Variants in DRC3 observed in about 807,000 individuals in gnomAD.
DRC3 encodes the protein leucine rich repeat containing 48.
DRC3 carries 45 observed loss-of-function variants against 57.6 expected under a neutral mutation model. The ratio of observed to expected loss-of-function variants is 0.78; its 90% CI spans 0.62 to 1.00. The LOEUF (loss-of-function observed/expected upper bound fraction) is 1.00, where lower values mean the gene tolerates loss of function less well. Ranked by LOEUF, DRC3 falls within the 50% of genes least tolerant of loss-of-function variation. DRC3 has a pLI of 0.00. For missense variants in DRC3, 655 were observed against 675.2 expected (o/e 0.97, Z 0.33); for synonymous variants, 257 against 272.3 (o/e 0.94, Z 0.55).
chr17:17,987,151 G>C (rs2042997534), intron 4 of DRC3, among the ~76,000 whole-genome samples: 1 of 134,456 alleles, frequency 7.4e-6, no homozygotes, highest in South Asian at 2.6e-4. Context: ...GGAGGTCAAG[G>C]ATGCAATGAA....
chr17:17,992,925 T>C lies in DRC3; in HGVS notation c.591+14T>C. The C allele has an allele frequency of 6.2e-7, 1 of 1,613,740 alleles. No homozygotes were observed. On this transcript the variant is annotated intron_variant, in intron 6 of 13. Transcript: ENST00000399187. ...GATGACCACACAGCAAGTGTCTCCC[T>C]CTCAGTCTCCCAGCCCTGTGAGACA...
chr17:17,979,941 G>C (rs1049944302), intron 3 of DRC3, among the ~76,000 whole-genome samples: 1 of 151,886 alleles, frequency 6.6e-6, no homozygotes, highest in African/African-American at 2.4e-5. Flanking sequence ...CCGGCTCTAG[G>C]GGAAGGGCAG....
intron 3 of DRC3, among the ~76,000 whole-genome samples, chr17:17,980,158 C>T (rs1174368085): frequency 1.3e-5 from 2 of 152,154 alleles, no homozygotes; most frequent in Non-Finnish European, 2.9e-5. Flanking sequence ...AGGAGGGGTT[C>T]CCCACTTTCC....
chr17:17,977,208 C>T (rs1296764615), intron 2 of DRC3, among the ~76,000 whole-genome samples: 1 of 152,124 alleles, frequency 6.6e-6, no homozygotes, highest in African/African-American at 2.4e-5. Flanking sequence ...GTGGTTGGTA[C>T]CCACAAGCCC....
intron 7 of DRC3, 45 bp downstream of exon 7, chr17:17,994,463 C>T (rs2043371425): frequency 1.9e-6 from 3 of 1,542,840 alleles, no homozygotes; most frequent in Non-Finnish European, 2.6e-6. Context: ...CTCAGATGCC[C>T]ACAAGAGGGC....
chr17:17,984,656 CAGA>C (rs2042876948), intron 4 of DRC3, among the ~76,000 whole-genome samples: 1 of 152,140 alleles, frequency 6.6e-6, no homozygotes, highest in Non-Finnish European at 1.5e-5. Context: ...TCCCAATCTA[CAGA>C]AGAGGAGCTG....
chr17:17,997,478 C>T lies in DRC3; in HGVS notation c.843C>T (p.Val281=). Reference sequence around the variant, plus strand: ...CACTCACCTACAAGGACAAGTTTGTCATCATCTGCGTGAATATTTTTGAGT... The same window carrying T: ...CACTCACCTACAAGGACAAGTTTGTTATCATCTGCGTGAATATTTTTGAGT... ...ELLETYKDKF[V]IICVNIFEYG... Residue 281 remains valine (V), a synonymous_variant, in exon 9 of 14, where the codon GTC becomes GTT. Coordinates refer to ENST00000399187, the MANE Select transcript of DRC3 (RefSeq NM_031294.4). The T allele has an allele frequency of 6.2e-7, 1 of 1,613,280 alleles. No homozygotes were observed. Among genetic ancestry groups the T allele is most frequent in the Non-Finnish European group, 8.5e-7 (1 of 1,179,706 alleles).
intron 4 of DRC3, 22 bp from the exon 5 acceptor site, chr17:17,987,910 C>CA: frequency 6.2e-7 from 1 of 1,611,724 alleles, no homozygotes; most frequent in South Asian, 1.1e-5. Context: ...AGCAGACCCT[C>CA]ACAGCCCTCT....
chr17:17,975,527 A>G (rs1338675502), intron 2 of DRC3, among the ~76,000 whole-genome samples: 1 of 44,906 alleles, frequency 2.2e-5, no homozygotes, highest in Admixed American at 2.6e-4. Flanking sequence ...CCCCCCCCCA[A>G]AAAAAAGGCC....
In DRC3 at chr17:18,008,817, G is replaced by GA. The variant is rs1217797737; in HGVS notation, c.1326+1671dup. Among the ~76,000 whole-genome samples, 1 of 152,210 alleles carries GA rather than the reference G, an allele frequency of 6.6e-6. No individual in the cohort carries two copies. The highest frequency in any genetic ancestry group is 2.4e-5 in the African/African-American group (1 of 41,446). ...GACAGACCATCTTGGGGTGGGTGGA[G>GA]ATCCCTCCCAGCACAGCTCCCATGT... On this transcript the variant is annotated intron_variant, in intron 12 of 13. Coordinates refer to ENST00000399187, the MANE Select transcript of DRC3 (RefSeq NM_031294.4). This position sits in a 1 kb window ranked among gnomAD's most constrained non-coding sequence, Gnocchi z 4.3.
In DRC3 at chr17:18,016,100, G is replaced by A. The variant is rs200381151; in HGVS notation, c.1363G>A (p.Gly455Arg). 14,046 of 1,613,822 alleles carry A rather than the reference G, an allele frequency of 8.7e-3. 90 individuals carry two copies. The highest frequency in any genetic ancestry group is 0.011 in the Non-Finnish European group (12,546 of 1,179,824). Residue 455 changes from glycine (G) to arginine (R), a missense_variant, in exon 13 of 14, where the codon GGG (glycine) becomes AGG (arginine). Transcript: ENST00000399187. ...TAAAGATACGATTGTTAATGCTGTC[G>A]GGGCATCGCACGACATCCACCTCCT... ...VDKDTIVNAV[G>R]ASHDIHLLKI...
Position 18,006,221 on chromosome 17 carries a change from G to A in DRC3, c.1170G>A (p.Met390Ile), listed in dbSNP as rs1297994303. 1.9e-6 allele frequency: 3 copies of A among 1,612,498 alleles called. No individual in the cohort carries two copies. The highest frequency in any genetic ancestry group is 2.5e-6 in the Non-Finnish European group (3 of 1,178,938). The change falls in exon 11 of 14, where the codon ATG becomes ATA. Residue 390 changes from methionine to isoleucine, a missense_variant. Transcript: ENST00000399187. ...TGTTTGAAAGGAACATTGTTGACAT[G>A]GTAGGACTGTTTATCGAAAATGTCC... ...INMFERNIVD[M>I]VGLFIENVQS...
chr17:17,983,875 C>G lies in DRC3; in HGVS notation c.208C>G (p.Leu70Val). The change falls in exon 4 of 14, where the codon CTG becomes GTG. Residue 70 changes from leucine (L) to valine (V), a missense_variant. Transcript: ENST00000399187. ...CTGGCAGTTTGAGAACTTGAGGAAG[C>G]TGCAGCTGGACAATAACATCATTGA... ...NLWQFENLRK[L>V]QLDNNIIEKI... 2 of 1,613,654 alleles carry G rather than the reference C, an allele frequency of 1.2e-6. No individual in the cohort carries two copies. The highest frequency in any genetic ancestry group is 1.7e-6 in the Non-Finnish European group (2 of 1,179,644).
rs570908850 is a variant in DRC3, at chr17:18,007,102, T to C, written c.1281T>C (p.Ile427=). 2.6e-6 allele frequency: 3 copies of C among 1,170,834 alleles called. No homozygotes were observed. The Admixed American group carries it at 8.9e-5, about 35-fold the overall frequency. 72.5% of individuals were successfully genotyped at this position (1,170,834 alleles called of 1,614,324 possible). ...TCTCTATCAGCACCCTGGAGAAGAT[T>C]GTCGAGGGCGACCTGGACGAGGACC... ...LEISISTLEK[I]VEGDLDEDLP... The change falls in exon 12 of 14, where the codon ATT becomes ATC. Residue 427 remains isoleucine (I), a synonymous_variant. Coordinates refer to ENST00000399187, the MANE Select transcript of DRC3 (RefSeq NM_031294.4).
intron 1 of DRC3, chr17:17,973,643 T>C (rs551240043): frequency 3.3e-5 from 5 of 152,342 alleles, no homozygotes; most frequent in African/African-American, 7.2e-5. Flanking sequence ...TATTTATTTT[T>C]TATTTTTAAA....
At chr17:18,000,330 C>T (rs2043671429) in intron 9 of DRC3, among the ~76,000 whole-genome samples, 3 of 141,746 alleles carry the variant, frequency 2.1e-5, no homozygotes, top group African/African-American at 8.1e-5. Context: ...GCATAGCATG[C>T]CCTGTTCTGT....
Position 17,988,065 on chromosome 17 carries a change from G to A in DRC3, c.411G>A (p.Ser137=), listed in dbSNP as rs1025663729. ...CCCTCGTCAAGCTGCAGGTGTTGTC[G>A]CTGGGCAACAACCGGATTGACAACA... ...LDALVKLQVL[S]LGNNRIDNMM... Residue 137 remains serine (S), a synonymous_variant, in exon 5 of 14, where the codon TCG becomes TCA. Transcript: ENST00000399187. The A allele has an allele frequency of 2.2e-5, 36 of 1,613,752 alleles. 1 individual carries two copies. Among genetic ancestry groups the A allele is most frequent in the Middle Eastern group, 1.6e-4 (1 of 6,084 alleles).
intron 3 of DRC3, 26 bp from the exon 4 acceptor site, chr17:17,983,802 A>G: frequency 6.5e-7 from 1 of 1,538,004 alleles, no homozygotes; most frequent in Non-Finnish European, 9.0e-7. Flanking sequence ...CTAACCTGAG[A>G]CTGAAATCAC....
chr17:17,976,911 CT>C lies in DRC3; in HGVS notation c.-17-670del, dbSNP rs1464307000. On this transcript the variant is annotated intron_variant, in intron 2 of 13. Transcript: ENST00000399187. ...TTCTCTGTGCATCTGCCTCCTCCCCCTCTTGCTCTCTGCTTAACTATGTACC... is the reference window on the plus strand; with the variant it reads ...TTCTCTGTGCATCTGCCTCCTCCCCCCTTGCTCTCTGCTTAACTATGTACC... 1.3e-4 allele frequency among the ~76,000 whole-genome samples: 19 copies of C among 151,858 alleles called. 1 individual carries two copies. Among genetic ancestry groups the C allele is most frequent in the Non-Finnish European group, 1.5e-4 (10 of 67,812 alleles).
Sources: allele counts gnomAD v4.1 joint callset (sites outside exome capture counted in the v4.1 genomes callset), GRCh38; gene constraint gnomAD v4.1.1; non-coding constraint Gnocchi (gnomAD v3.1); transcripts MANE v1.5; gene names NCBI Gene and HGNC (gene_info 2026-07-23, HGNC 2026-07-21).